The following DCC variants were observed in gnomAD, a reference collection of about 807,000 sequenced individuals.
The protein encoded by DCC is DCC netrin 1 receptor.
A neutral mutation model predicts 172.5 loss-of-function variants in DCC; 58 were observed. That is an observed-to-expected ratio of 0.34 (90% CI 0.27 to 0.42). The LOEUF is 0.42. Among genes scored for constraint, DCC ranks in the 10% least tolerant of loss-of-function variants. The pLI is 1.00. For synonymous variants in DCC, 709 were observed against 644.5 expected, an observed-to-expected ratio of 1.10 and a Z score of -1.52; for missense variants, 1,740 against 1,791.0, an observed-to-expected ratio of 0.97 and a Z score of 0.51.
chr18:52,820,148 A>G (rs894144486), intron 2 of DCC, among the ~76,000 whole-genome samples: 12 of 152,178 alleles, frequency 7.9e-5, no homozygotes, highest in Admixed American at 2.0e-4. Flanking sequence ...AGACTTAGAT[A>G]CAGCAGTCCT....
chr18:53,192,928 T>C (rs2055387103), intron 9 of DCC, among the ~76,000 whole-genome samples: 1 of 151,946 alleles, frequency 6.6e-6, no homozygotes, highest in Non-Finnish European at 1.5e-5. Context: ...ATTGCAGGAG[T>C]CATTCCTGAT....
At chr18:53,362,602 G>A (rs1399368240) in intron 15 of DCC, among the ~76,000 whole-genome samples, 1 of 152,146 alleles carries the variant, frequency 6.6e-6, no homozygotes, top group Non-Finnish European at 1.5e-5. Flanking sequence ...TTTAAAGCAA[G>A]TATCTTGTAC....
intron 7 of DCC, among the ~76,000 whole-genome samples, chr18:53,068,263 T>C (rs2042602212): frequency 6.6e-6 from 1 of 152,174 alleles, no homozygotes; most frequent in African/African-American, 2.4e-5. Context: ...TTTTTTCTTT[T>C]AATTTTATTA....
At chr18:53,199,905 G>C (rs2055509108) in intron 9 of DCC, among the ~76,000 whole-genome samples, 1 of 152,066 alleles carries the variant, frequency 6.6e-6, no homozygotes, top group Non-Finnish European at 1.5e-5. Flanking sequence ...TTGAAAATCA[G>C]ATCATAAAAT....
chr18:53,191,393 TATA>T (rs2055364505), intron 9 of DCC, among the ~76,000 whole-genome samples: 1 of 152,220 alleles, frequency 6.6e-6, no homozygotes, highest in African/African-American at 2.4e-5. Context: ...TCACTTTGGA[TATA>T]ATATGTTTTG....
intron 14 of DCC, among the ~76,000 whole-genome samples, chr18:53,327,264 G>T (rs182990900): frequency 7.9e-5 from 12 of 152,024 alleles, no homozygotes; most frequent in South Asian, 2.1e-4. Flanking sequence ...ACTGACAGCT[G>T]GGAAGTTTTA....
chr18:53,190,366 A>G (rs2055347787), intron 9 of DCC, among the ~76,000 whole-genome samples: 1 of 152,092 alleles, frequency 6.6e-6, no homozygotes, highest in Non-Finnish European at 1.5e-5. Flanking sequence ...CCCAACTCCT[A>G]CATTAGATAT....
Position 52,976,000 on chromosome 18 carries a change from C to T in DCC, c.985+50630C>T, listed in dbSNP as rs149880426. Among the ~76,000 whole-genome samples, 926 of 152,298 alleles carry T rather than the reference C, an allele frequency of 6.1e-3. 4 individuals are homozygous for T. The highest frequency in any genetic ancestry group is 0.01 in the Non-Finnish European group (704 of 68,010). The stretch of plus-strand genomic sequence containing the variant: ...ACAGTGTGTAAACATTCCTTTTTCT[C>T]TACAACCTTGCCAGCTCCTGTTATT... On this transcript the variant is annotated intron_variant, in intron 5 of 28. Coordinates refer to ENST00000442544, the MANE Select transcript of DCC (RefSeq NM_005215.4).
In DCC at chr18:53,163,481, TA is replaced by T. The variant is rs375856189; in HGVS notation, c.1418+5970del. Among the ~76,000 whole-genome samples, 3 of 152,236 alleles carry T rather than the reference TA, an allele frequency of 2.0e-5. 1 individual carries two copies. Among genetic ancestry groups the T allele is most frequent in the African/African-American group, 2.4e-5 (1 of 41,460 alleles). On this transcript the variant is annotated intron_variant, in intron 8 of 28. Transcript: ENST00000442544. ...GTTTGTTTGTTCATGTAGGTTTATT[TA>T]GCTGCTTGACACAATACCTTTCTAA...
chr18:53,199,091 T>C (rs1314523942), intron 9 of DCC, among the ~76,000 whole-genome samples: 1 of 151,642 alleles, frequency 6.6e-6, no homozygotes, highest in African/African-American at 2.4e-5. Context: ...TTTTTTTTTT[T>C]TTGAGATGGA....
At chr18:53,302,246 G>A (rs1292643863) in intron 12 of DCC, among the ~76,000 whole-genome samples, 1 of 151,830 alleles carries the variant, frequency 6.6e-6, no homozygotes, top group Non-Finnish European at 1.5e-5. Flanking sequence ...ACTCTTGGTG[G>A]TCAAAATTCA....
chr18:52,371,241 T>C (rs1009437791), intron 1 of DCC, among the ~76,000 whole-genome samples: 1 of 152,188 alleles, frequency 6.6e-6, no homozygotes, highest in Non-Finnish European at 1.5e-5. Context: ...GTTAGAGCAG[T>C]GCCTAGGTGC....
intron 5 of DCC, among the ~76,000 whole-genome samples, chr18:53,025,162 A>C (rs902423763): frequency 6.6e-6 from 1 of 152,150 alleles, no homozygotes; most frequent in Admixed American, 6.6e-5. Flanking sequence ...CAAATGATGT[A>C]TGAGGATTTA....
chr18:52,457,754 A>G (rs1988502843), intron 1 of DCC, among the ~76,000 whole-genome samples: 1 of 152,192 alleles, frequency 6.6e-6, no homozygotes. Flanking sequence ...TACAACTCAC[A>G]TGACTTATTT....
chr18:52,587,396 T>C (rs2033699506), intron 1 of DCC, among the ~76,000 whole-genome samples: 2 of 152,162 alleles, frequency 1.3e-5, no homozygotes, highest in African/African-American at 4.8e-5. Context: ...GGTCATCCTA[T>C]CCACTTGATT....
At chr18:53,504,936 T>TTAAC (rs1440718207) in intron 27 of DCC, among the ~76,000 whole-genome samples, 5 of 152,178 alleles carry the variant, frequency 3.3e-5, no homozygotes, top group South Asian at 2.1e-4. Flanking sequence ...GTTTGTTTTT[T>TTAAC]TAACTAACTT....
rs1388166262 is a variant in DCC, at chr18:53,008,612, T to C, written c.986-54693T>C. Among the ~76,000 whole-genome samples the C allele has an allele frequency of 2.0e-5, 3 of 152,178 alleles. No individual in the cohort carries two copies. The East Asian group carries it at 5.8e-4, about 29-fold the overall frequency. ...AATATCTTAAGCTGTGTAACTTTTT[T>C]TGAAATGAGCCATTTTAGTACCATT... On this transcript the variant is annotated intron_variant, in intron 5 of 28. Coordinates refer to ENST00000442544, the MANE Select transcript of DCC (RefSeq NM_005215.4).
Position 53,353,440 on chromosome 18 carries a change from TA to T in DCC, c.2359+13540del, listed in dbSNP as rs1028760858. ...AGATAAATAAATATCCTTTAAAGGTTAAAAAAATAACGTATTGTCTAACTAC... is the reference window on the plus strand; with the variant it reads ...AGATAAATAAATATCCTTTAAAGGTTAAAAAATAACGTATTGTCTAACTAC... On this transcript the variant is annotated intron_variant, in intron 15 of 28. Transcript: ENST00000442544. Among the ~76,000 whole-genome samples the T allele has an allele frequency of 5.9e-5, 9 of 151,956 alleles. No homozygotes were observed. The East Asian group carries it at 7.7e-4, about 13-fold the overall frequency.
At chr18:52,739,374 A>G (rs766479123) in intron 1 of DCC, among the ~76,000 whole-genome samples, 3 of 152,194 alleles carry the variant, frequency 2.0e-5, no homozygotes, top group Non-Finnish European at 4.4e-5. Flanking sequence ...TTCAACAGGT[A>G]TTTGTTAAAT....
Sources: allele counts gnomAD v4.1 joint callset (sites outside exome capture counted in the v4.1 genomes callset), GRCh38; gene constraint gnomAD v4.1.1; transcripts MANE v1.5; gene names NCBI Gene and HGNC (gene_info 2026-07-23, HGNC 2026-07-21).